Variants in AMBP observed in about 807,000 individuals in gnomAD.
The protein encoded by AMBP is protein AMBP.
In AMBP, 37 loss-of-function variants were observed where a neutral mutation model predicts 46.3. The ratio of observed to expected loss-of-function variants is 0.80; its 90% CI spans 0.61 to 1.05. AMBP has a LOEUF of 1.05. AMBP is among the 50% of genes least tolerant of loss of function. The pLI is 0.00. For missense variants in AMBP, 475 were observed against 461.2 expected (o/e 1.03, Z -0.27); for synonymous variants, 174 against 175.9 (o/e 0.99, Z 0.09).
chr9:114,070,691 G>A (rs562183994), intron 5 of AMBP, among the ~76,000 whole-genome samples: 1 of 152,102 alleles, frequency 6.6e-6, no homozygotes, highest in East Asian at 1.9e-4. Context: ...CCTGGGGTGG[G>A]AAATGGGAGT....
chr9:114,078,134 G>C lies in AMBP; in HGVS notation c.76C>G (p.Pro26Ala). The stretch of plus-strand genomic sequence containing the variant: ...TTTTCCTGCACTTGGATGTTGTCGG[G>C]CGGCGTTGGCACAGGGCCAGCGCTC... ...AVSAGPVPTP[P>A]DNIQVQENFN... The change falls in exon 1 of 10, where the codon CCC becomes GCC. Residue 26 changes from proline (P) to alanine (A), a missense_variant. By Grantham distance (27) the Pro-to-Ala change is conservative (BLOSUM62 -1). Around this residue, in one of 3 missense-constraint regions of AMBP, gnomAD observed 179 missense variants for 167.4 expected, o/e 1.07. Transcript: ENST00000265132. The C allele has an allele frequency of 6.2e-7, 1 of 1,613,844 alleles. No homozygotes were observed. Among genetic ancestry groups the C allele is most frequent in the Non-Finnish European group, 8.5e-7 (1 of 1,180,048 alleles).
At chr9:114,073,109 T>C (rs1588491098) in intron 4 of AMBP, 83 bp from the exon 5 acceptor site, 1 of 1,257,474 alleles carries the variant, frequency 8.0e-7, no homozygotes, top group African/African-American at 1.5e-5. Context: ...CCCAGTGATT[T>C]TCACTTAGGG....
At chr9:114,069,892 G>T in intron 5 of AMBP, 147 bp from the exon 6 acceptor site, 1 of 745,760 alleles carries the variant, frequency 1.3e-6, no homozygotes, top group Non-Finnish European at 2.2e-6. Context: ...TGTGTGGCTT[G>T]CTCAAGGCCA....
intron 6 of AMBP, among the ~76,000 whole-genome samples, chr9:114,068,856 C>A (rs968534578): frequency 8.5e-6 from 1 of 117,940 alleles, no homozygotes; most frequent in Non-Finnish European, 1.7e-5. Context: ...TTATACTTTT[C>A]TGTGTTCCTC....
At chr9:114,061,663 A>G (rs1472822442) in intron 7 of AMBP, 72 bp from the exon 8 acceptor site, 4 of 1,448,236 alleles carry the variant, frequency 2.8e-6, no homozygotes, top group African/African-American at 1.4e-5. Context: ...GGCACTTGAT[A>G]TGCGCCATCT....
Position 114,073,024 on chromosome 9 carries a change from G to T in AMBP, c.457C>A (p.Arg153=), listed in dbSNP as rs199571996. The part of the protein sequence containing the change: ...GPTITAKLYG[R]APQLRETLLQ... ...AGAGTTTCCCTCAGCTGCGGCGCCC[G>T]CCCTGCAAGGAGGAAGCAGAGGAGA... The change falls in exon 5 of 10, where the codon CGG becomes AGG. Residue 153 remains arginine (R), a splice_region_variant and synonymous_variant. Transcript: ENST00000265132. 1 of 1,612,318 alleles carries T rather than the reference G, an allele frequency of 6.2e-7. No individual in the cohort carries two copies. The highest frequency in any genetic ancestry group is 8.5e-7 in the Non-Finnish European group (1 of 1,179,170).
intron 2 of AMBP, among the ~76,000 whole-genome samples, chr9:114,075,345 C>T (rs930112910): frequency 1.3e-5 from 2 of 152,200 alleles, no homozygotes; most frequent in Non-Finnish European, 2.9e-5. Flanking sequence ...TATACTGAGG[C>T]AGGAGGAGCT....
At chr9:114,065,469 C>T (rs1298430849) in intron 6 of AMBP, among the ~76,000 whole-genome samples, 1 of 152,168 alleles carries the variant, frequency 6.6e-6, no homozygotes, top group Non-Finnish European at 1.5e-5. Context: ...CAGAAGGAAC[C>T]AACCCTACCA....
chr9:114,061,401 C>A (rs1564370418), intron 8 of AMBP, 23 bp downstream of exon 8: 1 of 1,613,850 alleles, frequency 6.2e-7, no homozygotes, highest in Non-Finnish European at 8.5e-7. Context: ...GCAGAGCGCA[C>A]AGGGGTGGGG....
chr9:114,071,424 C>G (rs910102326), intron 5 of AMBP, among the ~76,000 whole-genome samples: 2 of 152,234 alleles, frequency 1.3e-5, no homozygotes, highest in African/African-American at 4.8e-5. Context: ...TGCCAACAAG[C>G]GTGGAAGGGA....
chr9:114,060,342 C>T (rs1846621320), intron 9 of AMBP, 72 bp from the exon 10 acceptor site: 2 of 1,515,626 alleles, frequency 1.3e-6, no homozygotes, highest in Middle Eastern at 3.4e-4. Flanking sequence ...CAGCTGTCGC[C>T]TGGGGCCAGA....
At chr9:114,076,023 G>A (rs1438778565) in intron 2 of AMBP, among the ~76,000 whole-genome samples, 2 of 152,114 alleles carry the variant, frequency 1.3e-5, no homozygotes, top group African/African-American at 4.8e-5. Flanking sequence ...CACATCAAGA[G>A]TTTGAATCTT....
At chr9:114,066,069 C>T (rs1362916028) in intron 6 of AMBP, among the ~76,000 whole-genome samples, 1 of 152,128 alleles carries the variant, frequency 6.6e-6, no homozygotes, top group Non-Finnish European at 1.5e-5. Context: ...AGCCATCTTA[C>T]CCAAGGTCAT....
chr9:114,073,950 T>A, intron 4 of AMBP, 86 bp downstream of exon 4: 1 of 1,289,276 alleles, frequency 7.8e-7, no homozygotes, highest in South Asian at 1.2e-5. Context: ...AAAGCAAAAC[T>A]CCCTGTGCTT....
At chr9:114,064,604 T>C (rs1023823104) in intron 6 of AMBP, among the ~76,000 whole-genome samples, 2 of 152,016 alleles carry the variant, frequency 1.3e-5, no homozygotes, top group African/African-American at 4.8e-5. Flanking sequence ...GACATCTGGA[T>C]TAAAAGAGCA....
chr9:114,069,228 A>C (rs1232837958), intron 6 of AMBP, among the ~76,000 whole-genome samples: 3 of 152,216 alleles, frequency 2.0e-5, no homozygotes, highest in Non-Finnish European at 2.9e-5. Flanking sequence ...GGAAAGCCCC[A>C]AAATCAGAAG....
intron 2 of AMBP, 87 bp downstream of exon 2, chr9:114,076,511 A>T (rs1846809393): frequency 3.9e-6 from 6 of 1,548,020 alleles, no homozygotes; most frequent in Non-Finnish European, 8.7e-7. Flanking sequence ...GGAAGCAGAG[A>T]TCTGCAACTT....
At chr9:114,075,651 G>A (rs184848729) in intron 2 of AMBP, among the ~76,000 whole-genome samples, 2 of 152,348 alleles carry the variant, frequency 1.3e-5, no homozygotes, top group East Asian at 3.9e-4. Flanking sequence ...TGGGGTTCCT[G>A]GAGCTTGCAA....
chr9:114,063,184 A>G (rs7034544), intron 6 of AMBP, among the ~76,000 whole-genome samples: 32,197 of 126,926 alleles, frequency 0.25, 3,533 homozygotes, highest in Middle Eastern at 0.36. Flanking sequence ...CTGCTTGCAG[A>G]AAAAAAAAAA....
Sources: allele counts gnomAD v4.1 joint callset (sites outside exome capture counted in the v4.1 genomes callset), GRCh38; gene constraint gnomAD v4.1.1; regional missense constraint gnomAD v4.1.1; transcripts MANE v1.5; gene names NCBI Gene and HGNC (gene_info 2026-07-23, HGNC 2026-07-21).